The following NPL variants were observed in gnomAD, a reference collection of about 807,000 sequenced individuals.
NPL encodes N-acetylneuraminate lyase.
A neutral mutation model predicts 41.1 loss-of-function variants in NPL; 32 were observed. The observed-to-expected ratio is 0.78, with a 90% CI of 0.59 to 1.05. NPL has a LOEUF of 1.05. Among genes scored for constraint, NPL ranks in the 50% least tolerant of loss-of-function variants. The pLI, the probability that NPL is intolerant of heterozygous loss-of-function variation, is 0.00. For synonymous variants in NPL, 128 were observed against 134.9 expected (o/e 0.95, Z 0.35); for missense variants, 321 against 378.4 (o/e 0.85, Z 1.26).
In NPL at chr1:182,829,054, G is replaced by A. The variant is rs1161686315; in HGVS notation, c.*146G>A. ...ATAAGCATTGAGGTACCTTTTGTGA[G>A]CCTTAAAAAGTCTTATTTTGTGAAG... On this transcript the variant is annotated 3_prime_UTR_variant, in exon 13 of 13. Coordinates refer to ENST00000367553, the MANE Select transcript of NPL (RefSeq NM_030769.3). 41 of 1,479,796 alleles carry A rather than the reference G, an allele frequency of 2.8e-5. No homozygotes were observed. The highest frequency in any genetic ancestry group is 3.3e-5 in the Non-Finnish European group (37 of 1,123,496). The allele number at this position is 1,479,796 out of a possible 1,614,324, so 91.7% of individuals were successfully genotyped here. A position where few individuals can be genotyped will look rare whatever the true frequency, so the allele number is the denominator to read the frequency against.
chr1:182,800,687 T>C (rs1469230126), intron 3 of NPL, among the ~76,000 whole-genome samples: 4 of 151,540 alleles, frequency 2.6e-5, no homozygotes, highest in Non-Finnish European at 4.4e-5. Context: ...CTACTGCTGC[T>C]TTTTCTAATT....
chr1:182,794,921 G>A (rs1258960497), intron 3 of NPL, among the ~76,000 whole-genome samples: 1 of 152,184 alleles, frequency 6.6e-6, no homozygotes, highest in Non-Finnish European at 1.5e-5. Flanking sequence ...AAAGTGGGAG[G>A]TTATCTGCAA....
At chr1:182,816,830 TTC>T in intron 8 of NPL, 24 bp downstream of exon 8, 1 of 1,549,520 alleles carries the variant, frequency 6.5e-7, no homozygotes, top group Non-Finnish European at 8.9e-7. Flanking sequence ...CTGTTGATCT[TTC>T]TTTCCTTCCA....
At chr1:182,791,856 C>T (rs1043378200) in intron 1 of NPL, among the ~76,000 whole-genome samples, 1 of 152,126 alleles carries the variant, frequency 6.6e-6, no homozygotes, top group Non-Finnish European at 1.5e-5. Context: ...ATCACTTGAA[C>T]CTTCTTGGGC....
chr1:182,796,029 T>C (rs745580886), intron 3 of NPL, among the ~76,000 whole-genome samples: 13 of 152,144 alleles, frequency 8.5e-5, no homozygotes, highest in Non-Finnish European at 1.5e-4. Flanking sequence ...GATCCCATGA[T>C]AGAGATAACT....
intron 1 of NPL, 85 bp from the exon 2 acceptor site, chr1:182,792,147 C>T (rs991663032): frequency 3.9e-5 from 6 of 152,208 alleles, no homozygotes; most frequent in African/African-American, 1.2e-4. Context: ...ATGTGCCTAG[C>T]ATTGTTGTTA....
intron 6 of NPL, 116 bp from the exon 7 acceptor site, chr1:182,814,667 T>A (rs1484424344): frequency 4.6e-6 from 4 of 870,906 alleles, no homozygotes; most frequent in Non-Finnish European, 7.5e-6. Context: ...TTTCCCACTT[T>A]CCAGTGGTAC....
At chr1:182,806,290 T>C in intron 5 of NPL, 58 bp downstream of exon 5, 1 of 1,609,456 alleles carries the variant, frequency 6.2e-7, no homozygotes, top group Non-Finnish European at 8.5e-7. Flanking sequence ...TCAGTGAGCC[T>C]CTTCCCCAGA....
At chr1:182,814,899 C>T (rs1020966899) in intron 7 of NPL, 41 bp downstream of exon 7, 1 of 1,466,764 alleles carries the variant, frequency 6.8e-7, no homozygotes, top group Non-Finnish European at 9.6e-7. Context: ...TCACATGGTC[C>T]ACTTCTTCTT....
At chr1:182,818,158 T>C (rs1667387571) in intron 8 of NPL, among the ~76,000 whole-genome samples, 1 of 152,222 alleles carries the variant, frequency 6.6e-6, no homozygotes, top group African/African-American at 2.4e-5. Flanking sequence ...TGTCAGATGC[T>C]TCTATCTCTC....
intron 3 of NPL, among the ~76,000 whole-genome samples, chr1:182,794,813 A>G (rs1378480352): frequency 6.6e-6 from 1 of 152,210 alleles, no homozygotes; most frequent in African/African-American, 2.4e-5. Context: ...TTGGATATCA[A>G]GCACTGACCT....
In NPL at chr1:182,825,808, G is replaced by T; in HGVS notation, c.766G>T (p.Val256Phe). The stretch of plus-strand genomic sequence containing the variant: ...TTGTATCCAGAGATTTATCAACTTT[G>T]TTGTCAAACTAGGTAAGTGCCACCC... ...QFCIQRFINF[V>F]VKLGFGVSQT... The change falls in exon 12 of 13, where the codon GTT becomes TTT. Residue 256 changes from valine (V) to phenylalanine (F), a missense_variant. Physicochemically the swap from Val to Phe is conservative, Grantham distance 50. Transcript: ENST00000367553. The T allele has an allele frequency of 6.2e-7, 1 of 1,601,596 alleles. No homozygotes were observed.
At position 182,829,099 on chromosome 1, in the gene NPL, C is replaced by T. The variant is rs1340111222; in HGVS notation, c.*191C>T. On this transcript the variant is annotated 3_prime_UTR_variant, in exon 13 of 13. Transcript: ENST00000367553. ...GTGAAGGGGCAAAAACTCTAGGAGT[C>T]ACAACTCTCAGTCATTCATTTCACA... is the stretch of plus-strand genomic sequence containing the variant. 1 of 1,411,392 alleles carries T rather than the reference C, an allele frequency of 7.1e-7. No homozygotes were observed. The highest frequency in any genetic ancestry group is 3.0e-5 in the Admixed American group (1 of 32,906). The allele number at this position is 1,411,392 out of a possible 1,614,324, so 87.4% of individuals were successfully genotyped here.
At chr1:182,793,968 C>T (rs1666586400) in intron 2 of NPL, among the ~76,000 whole-genome samples, 1 of 152,176 alleles carries the variant, frequency 6.6e-6, no homozygotes, top group African/African-American at 2.4e-5. Context: ...TTTTGGTATA[C>T]ACGAAGGTCC....
intron 5 of NPL, among the ~76,000 whole-genome samples, chr1:182,807,317 C>T (rs865995612): frequency 4.6e-5 from 7 of 152,050 alleles, no homozygotes; most frequent in Admixed American, 4.6e-4. Context: ...GAGTAATTGA[C>T]GTTGTCTTAG....
At chr1:182,803,213 G>C (rs1211645614) in intron 3 of NPL, among the ~76,000 whole-genome samples, 1 of 152,146 alleles carries the variant, frequency 6.6e-6, no homozygotes, top group Non-Finnish European at 1.5e-5. Flanking sequence ...AGTACCCTAA[G>C]AGTAGGGTGG....
At chr1:182,824,218 A>G (rs1006937548) in intron 11 of NPL, among the ~76,000 whole-genome samples, 10 of 152,246 alleles carry the variant, frequency 6.6e-5, no homozygotes, top group Admixed American at 2.6e-4. Flanking sequence ...TTATTATGCA[A>G]TTGAATTATA....
intron 5 of NPL, among the ~76,000 whole-genome samples, chr1:182,810,534 T>C (rs1164565369): frequency 1.3e-5 from 2 of 152,200 alleles, no homozygotes; most frequent in Admixed American, 6.5e-5. Flanking sequence ...ACTCATGTAT[T>C]GATTAATCAA....
intron 3 of NPL, among the ~76,000 whole-genome samples, chr1:182,798,908 T>C (rs1227939200): frequency 6.6e-6 from 1 of 152,180 alleles, no homozygotes; most frequent in Non-Finnish European, 1.5e-5. Context: ...TTGCCAAGAG[T>C]GCATATAACT....
Sources: gnomAD v4.1 joint callset for allele counts (sites outside exome capture counted in the v4.1 genomes callset) on GRCh38, gnomAD v4.1.1 for gene constraint, MANE v1.5 for transcripts, NCBI Gene and HGNC (gene_info 2026-07-23, HGNC 2026-07-21) for gene names.